The following DAB1 variants were observed in gnomAD, a reference collection of about 807,000 sequenced individuals.
The protein encoded by DAB1 is DAB adaptor protein 1.
A neutral mutation model predicts 64.6 loss-of-function variants in DAB1; 15 were observed. That is an observed-to-expected ratio of 0.23 (90% CI 0.16 to 0.36). The LOEUF is 0.36. Among genes scored for constraint, DAB1 ranks in the 10% least tolerant of loss-of-function variants. The pLI, the probability that DAB1 is intolerant of heterozygous loss-of-function variation, is 1.00. For synonymous variants in DAB1, 235 were observed against 251.9 expected, an observed-to-expected ratio of 0.93 and a Z score of 0.64; for missense variants, 596 against 706.7, an observed-to-expected ratio of 0.84 and a Z score of 1.78.
intron 7 of DAB1, among the ~76,000 whole-genome samples, chr1:57,436,009 C>T (rs1458140998): frequency 1.3e-5 from 2 of 150,696 alleles, no homozygotes; most frequent in East Asian, 2.0e-4. Flanking sequence ...TTCTGCCTCC[C>T]GGGTTCAAGC....
At chr1:57,258,032 G>A (rs1669895449) in intron 2 of DAB1, among the ~76,000 whole-genome samples, 1 of 152,198 alleles carries the variant, frequency 6.6e-6, no homozygotes, top group African/African-American at 2.4e-5. Flanking sequence ...ATATTTGAAA[G>A]GTCAATTTTT....
intron 4 of DAB1, among the ~76,000 whole-genome samples, chr1:58,245,272 C>A (rs1193367417): frequency 6.6e-6 from 1 of 152,192 alleles, no homozygotes; most frequent in African/African-American, 2.4e-5. Context: ...AGGTGCCTGG[C>A]TCCCTCCTGG....
At chr1:58,421,147 G>A (rs536720975) in intron 3 of DAB1, among the ~76,000 whole-genome samples, 15 of 152,246 alleles carry the variant, frequency 9.9e-5, no homozygotes, top group South Asian at 2.1e-4. Context: ...AAGCAAAGCC[G>A]TAATGCTCTA....
At chr1:58,241,661 T>C (rs1249821557) in intron 4 of DAB1, among the ~76,000 whole-genome samples, 3 of 151,922 alleles carry the variant, frequency 2.0e-5, no homozygotes, top group African/African-American at 7.2e-5. Flanking sequence ...ATAGGCAAAA[T>C]GATTAATTAT....
At chr1:58,162,162 C>T (rs1449016660) in intron 4 of DAB1, among the ~76,000 whole-genome samples, 1 of 152,136 alleles carries the variant, frequency 6.6e-6, no homozygotes, top group African/African-American at 2.4e-5. Flanking sequence ...CCTTGACAGG[C>T]AGATCTTGCC....
In DAB1 at chr1:58,119,799, C is replaced by T. The variant is rs80148863; in HGVS notation, n.387+30712G>A. Among the ~76,000 whole-genome samples the T allele has an allele frequency of 7.3e-3, 1,119 of 152,266 alleles. 16 individuals carry two copies. Among genetic ancestry groups the T allele is most frequent in the African/African-American group, 0.026 (1,068 of 41,556 alleles). ...CCAGTCATTGCTTTATGAATCTATT[C>T]AATAAGTTTATTTAATAGTCCTGCA... is the stretch of plus-strand genomic sequence containing the variant. On this transcript the variant is annotated intron_variant and non_coding_transcript_variant, in intron 5 of 20. Coordinates refer to the DAB1 transcript ENST00000485760.
At position 57,739,101 on chromosome 1, in the gene DAB1, T is replaced by C. The variant is rs550237710; in HGVS notation, n.552-89436A>G. Among the ~76,000 whole-genome samples the C allele has an allele frequency of 9.6e-4, 146 of 152,294 alleles. 1 individual carries two copies. Among genetic ancestry groups the C allele is most frequent in the African/African-American group, 3.4e-3 (140 of 41,570 alleles). The stretch of plus-strand genomic sequence containing the variant: ...ACATATTTGTGATATTGTTTACCCA[T>C]TGATCTTGTCAAGCTATTGTAAATC... On this transcript the variant is annotated intron_variant and non_coding_transcript_variant, in intron 6 of 20. Coordinates refer to the DAB1 transcript ENST00000485760.
chr1:57,519,725 A>G (rs1336359942), intron 7 of DAB1, among the ~76,000 whole-genome samples: 1 of 152,214 alleles, frequency 6.6e-6, no homozygotes, highest in Non-Finnish European at 1.5e-5. Flanking sequence ...AATTGCCTGA[A>G]TCCTATCTCC....
chr1:57,806,937 G>C (rs1054457983), intron 6 of DAB1, among the ~76,000 whole-genome samples: 2 of 152,154 alleles, frequency 1.3e-5, no homozygotes, highest in African/African-American at 4.8e-5. Context: ...GATTTTGTTT[G>C]TTTTGTCTGT....
At chr1:58,406,322 A>G (rs888572082) in intron 3 of DAB1, among the ~76,000 whole-genome samples, 24 of 152,302 alleles carry the variant, frequency 1.6e-4, no homozygotes, top group East Asian at 3.9e-4. Context: ...CTCTGAAAGC[A>G]AAAAGAGAAC....
At chr1:57,908,703 T>C (rs1644595189) in intron 5 of DAB1, among the ~76,000 whole-genome samples, 1 of 152,114 alleles carries the variant, frequency 6.6e-6, no homozygotes, top group Non-Finnish European at 1.5e-5. Context: ...ATCTATAAAA[T>C]GGCCTCATAA....
chr1:57,171,816 T>C (rs956195443), intron 2 of DAB1, among the ~76,000 whole-genome samples: 2 of 152,212 alleles, frequency 1.3e-5, no homozygotes, highest in African/African-American at 4.8e-5. Context: ...GAAGGAGTTA[T>C]GTGGTGGGAG....
At chr1:58,457,654 T>A (rs1457864856) in intron 3 of DAB1, among the ~76,000 whole-genome samples, 2 of 152,210 alleles carry the variant, frequency 1.3e-5, no homozygotes, top group Non-Finnish European at 2.9e-5. Flanking sequence ...AGTCTCATCA[T>A]TAATTAAACC....
At chr1:58,381,703 G>A (rs1269114378) in intron 3 of DAB1, among the ~76,000 whole-genome samples, 1 of 152,216 alleles carries the variant, frequency 6.6e-6, no homozygotes, top group Admixed American at 6.5e-5. Flanking sequence ...ATAGTAGATT[G>A]GGAGGTGGAG....
intron 7 of DAB1, among the ~76,000 whole-genome samples, chr1:57,564,507 C>T (rs1645092908): frequency 1.3e-5 from 2 of 152,098 alleles, no homozygotes; most frequent in Admixed American, 1.3e-4. Flanking sequence ...GAAGTCTGAA[C>T]CCATCGCAAA....
intron 6 of DAB1, among the ~76,000 whole-genome samples, chr1:57,762,881 G>A (rs781181019): frequency 5.9e-5 from 9 of 152,154 alleles, no homozygotes; most frequent in Non-Finnish European, 1.0e-4. Flanking sequence ...TGGAAAATTC[G>A]AAGCAACTAT....
chr1:58,175,559 C>G (rs1161542031), intron 4 of DAB1, among the ~76,000 whole-genome samples: 1 of 152,176 alleles, frequency 6.6e-6, no homozygotes, highest in East Asian at 1.9e-4. Flanking sequence ...TTGCATTTCC[C>G]TAATAACTAG....
intron 5 of DAB1, among the ~76,000 whole-genome samples, chr1:57,938,758 C>A (rs1645062401): frequency 6.6e-6 from 1 of 152,000 alleles, no homozygotes; most frequent in African/African-American, 2.4e-5. Context: ...ACCCACCCAA[C>A]CCCTTCCCCA....
At chr1:57,733,478 G>A (rs1647533218) in intron 6 of DAB1, among the ~76,000 whole-genome samples, 1 of 151,952 alleles carries the variant, frequency 6.6e-6, no homozygotes, top group Non-Finnish European at 1.5e-5. Context: ...CACTTAATAT[G>A]TAAGAAGACT....
Sources: allele counts gnomAD v4.1 joint callset (sites outside exome capture counted in the v4.1 genomes callset), GRCh38; gene constraint gnomAD v4.1.1; transcripts MANE v1.5; gene names NCBI Gene and HGNC (gene_info 2026-07-23, HGNC 2026-07-21).